Variants in PREX2 observed in about 807,000 individuals in gnomAD.
PREX2 encodes phosphatidylinositol-3,4,5-trisphosphate dependent Rac exchange factor 2, also known as phosphatidylinositol 3,4,5-trisphosphate-dependent Rac exchanger 2 protein.
A neutral mutation model predicts 203.2 loss-of-function variants in PREX2; 107 were observed. The ratio of observed to expected loss-of-function variants is 0.53; its 90% CI spans 0.45 to 0.62. PREX2 has a LOEUF of 0.62. Ranked by LOEUF, PREX2 falls within the 20% of genes least tolerant of loss-of-function variation. The probability of loss-of-function intolerance (pLI) is 0.00; values close to 1 mark genes in which losing one functional copy is unlikely to be tolerated. For synonymous variants in PREX2, 672 were observed against 663.6 expected (o/e 1.01, Z -0.19); for missense variants, 1,777 against 1,955.9 (o/e 0.91, Z 1.72).
intron 1 of PREX2, among the ~76,000 whole-genome samples, chr8:67,988,442 G>T (rs944866563): frequency 6.6e-6 from 1 of 152,176 alleles, no homozygotes; most frequent in Non-Finnish European, 1.5e-5. Flanking sequence ...CCTCACCAGA[G>T]ATGAATGAAA....
At chr8:68,118,511 G>A in intron 26 of PREX2, 39 bp from the exon 27 acceptor site, 1 of 1,367,038 alleles carries the variant, frequency 7.3e-7, no homozygotes, top group African/African-American at 1.4e-5. Context: ...CACCTGGGCA[G>A]ATGCACTCTT....
At chr8:68,139,623 T>C (rs1176745824) in intron 33 of PREX2, among the ~76,000 whole-genome samples, 1 of 152,164 alleles carries the variant, frequency 6.6e-6, no homozygotes, top group Non-Finnish European at 1.5e-5. Flanking sequence ...AGTGATCAGT[T>C]AGAAAGCTAC....
At chr8:68,194,509 C>T (rs759891395) in intron 37 of PREX2, among the ~76,000 whole-genome samples, 7 of 151,712 alleles carry the variant, frequency 4.6e-5, no homozygotes, top group East Asian at 3.9e-4. Flanking sequence ...AAGGAGTGGC[C>T]GGGCGCAGTG....
intron 23 of PREX2, chr8:68,103,548 C>T (rs373704475): frequency 1.2e-5 from 6 of 518,926 alleles, no homozygotes; most frequent in Non-Finnish European, 2.3e-5. Flanking sequence ...CACACTGTTC[C>T]CTTTCTTTGA....
chr8:68,040,562 G>A (rs1040502238), intron 7 of PREX2, among the ~76,000 whole-genome samples: 4 of 152,092 alleles, frequency 2.6e-5, no homozygotes, highest in Non-Finnish European at 5.9e-5. Context: ...TCCATGGCCA[G>A]ATTCTCTGTG....
At chr8:68,078,925 C>G (rs376538764) in intron 15 of PREX2, among the ~76,000 whole-genome samples, 3 of 152,228 alleles carry the variant, frequency 2.0e-5, no homozygotes, top group East Asian at 3.9e-4. Context: ...TATTGATGCC[C>G]TATCATGCTC....
chr8:68,150,956 A>G (rs1811421866), intron 34 of PREX2, among the ~76,000 whole-genome samples: 1 of 151,864 alleles, frequency 6.6e-6, no homozygotes, highest in Non-Finnish European at 1.5e-5. Flanking sequence ...CATAACTACA[A>G]TCTCTGCCCC....
chr8:68,010,664 G>GACTT (rs571416181), intron 1 of PREX2, among the ~76,000 whole-genome samples: 99 of 152,316 alleles, frequency 6.5e-4, no homozygotes, highest in Middle Eastern at 6.8e-3. Flanking sequence ...AGGAAACTGA[G>GACTT]ACTTAAAAGC....
intron 37 of PREX2, among the ~76,000 whole-genome samples, chr8:68,203,473 G>T (rs1336939347): frequency 2.0e-5 from 3 of 152,146 alleles, no homozygotes; most frequent in Non-Finnish European, 4.4e-5. Flanking sequence ...AAATGTGGAG[G>T]TGATTAGTAC....
At chr8:68,039,582 C>T (rs763735573) in intron 7 of PREX2, among the ~76,000 whole-genome samples, 2 of 152,166 alleles carry the variant, frequency 1.3e-5, no homozygotes, top group Non-Finnish European at 2.9e-5. Flanking sequence ...TGGACTCCTA[C>T]ATCCTGCCTG....
At chr8:68,014,470 G>A (rs1411947657) in intron 1 of PREX2, among the ~76,000 whole-genome samples, 1 of 152,094 alleles carries the variant, frequency 6.6e-6, no homozygotes, top group Non-Finnish European at 1.5e-5. Flanking sequence ...ATATGTGAGA[G>A]CCTCACTTCC....
At chr8:68,086,142 G>A (rs547666756) in intron 18 of PREX2, among the ~76,000 whole-genome samples, 10 of 152,120 alleles carry the variant, frequency 6.6e-5, no homozygotes, top group Non-Finnish European at 1.5e-4. Flanking sequence ...TAAGGATAAA[G>A]GATACATTAA....
At chr8:68,054,221 T>C (rs188112980) in intron 9 of PREX2, among the ~76,000 whole-genome samples, 149 of 152,300 alleles carry the variant, frequency 9.8e-4, no homozygotes, top group Middle Eastern at 3.4e-3. Context: ...AAGAACCAGA[T>C]AGAAAATTTT....
chr8:68,080,297 C>A, intron 15 of PREX2, 146 bp from the exon 16 acceptor site: 1 of 559,378 alleles, frequency 1.8e-6, no homozygotes, highest in Non-Finnish European at 3.0e-6. Context: ...AAAACAAAAC[C>A]CGGGGCTACT....
At chr8:68,177,370 C>A (rs1000827227) in intron 35 of PREX2, 5 of 152,204 alleles carry the variant, frequency 3.3e-5, no homozygotes, top group African/African-American at 1.2e-4. Context: ...CCTGCCTGGG[C>A]AACATAGAGA....
At chr8:68,062,134 T>A (rs1038360216) in intron 11 of PREX2, among the ~76,000 whole-genome samples, 1 of 152,088 alleles carries the variant, frequency 6.6e-6, no homozygotes, top group African/African-American at 2.4e-5. Flanking sequence ...TTCCTTTCTC[T>A]CCCTCATGCC....
Position 68,235,729 on chromosome 8 carries a change from C to G in PREX2, c.*4351C>G, listed in dbSNP as rs1195029201. 6.6e-6 allele frequency: 1 copy of G among 152,140 alleles called. No homozygotes were observed. The highest frequency in any genetic ancestry group is 2.4e-5 in the African/African-American group (1 of 41,440). The allele number at this position is 152,140 out of a possible 1,614,324, so 9.4% of individuals were successfully genotyped here. On this transcript the variant is annotated 3_prime_UTR_variant, in exon 40 of 40. Transcript: ENST00000288368. ...CATTATCTTCCTAGGTGCTACAACT[C>G]CATACTAGTCATTACAGTTAGTCTT... is the stretch of plus-strand genomic sequence containing the variant.
chr8:68,228,947 A>C (rs1176662013), intron 39 of PREX2, among the ~76,000 whole-genome samples: 17 of 94,864 alleles, frequency 1.8e-4, no homozygotes, highest in African/African-American at 4.7e-4. Context: ...GTCTCTTTAA[A>C]AAAAAAAAAA....
At chr8:68,015,381 C>G (rs1036688166) in intron 1 of PREX2, among the ~76,000 whole-genome samples, 6 of 152,112 alleles carry the variant, frequency 3.9e-5, no homozygotes, top group Admixed American at 2.6e-4. Context: ...CTAACAAGTT[C>G]CAGATTTCCT....
Sources: allele counts gnomAD v4.1 joint callset (sites outside exome capture counted in the v4.1 genomes callset), GRCh38; gene constraint gnomAD v4.1.1; transcripts MANE v1.5; gene names NCBI Gene and HGNC (gene_info 2026-07-23, HGNC 2026-07-21).